The following SEC24B variants were observed in gnomAD, a reference collection of about 807,000 sequenced individuals.
The protein encoded by SEC24B is protein transport protein Sec24B.
In SEC24B, 45 loss-of-function variants were observed where a neutral mutation model predicts 142.8. The observed-to-expected ratio is 0.32, with a 90% CI of 0.25 to 0.40. The LOEUF (loss-of-function observed/expected upper bound fraction) is 0.40. Ranked by LOEUF, SEC24B falls within the 10% of genes least tolerant of loss-of-function variation. The probability of loss-of-function intolerance (pLI) is 1.00; values close to 1 mark genes in which losing one functional copy is unlikely to be tolerated. For synonymous variants in SEC24B, 574 were observed against 568.2 expected (o/e 1.01, Z -0.15); for missense variants, 1,409 against 1,526.8 (o/e 0.92, Z 1.29).
rs374629659 is a variant in SEC24B, at chr4:109,464,784, C to A, written c.877+1140C>A. On this transcript the variant is annotated intron_variant, in intron 2 of 23. Coordinates refer to ENST00000265175, the MANE Select transcript of SEC24B (RefSeq NM_006323.5). ...TTAAAATTAGAACTTTAATATTAGA[C>A]CCAAGCTGTACATTTGAGATCATCT... Among the ~76,000 whole-genome samples, 5 of 152,242 alleles carry A rather than the reference C, an allele frequency of 3.3e-5. No individual in the cohort carries two copies. In the East Asian group the frequency reaches 9.6e-4, roughly 29 times the overall value.
chr4:109,477,967 A>G (rs1210565732), intron 3 of SEC24B, among the ~76,000 whole-genome samples: 2 of 152,200 alleles, frequency 1.3e-5, no homozygotes, highest in Admixed American at 6.5e-5. Context: ...TGGTAGTCCT[A>G]GAAAATACTC....
intron 22 of SEC24B, 147 bp from the exon 23 acceptor site, chr4:109,538,345 GT>G: frequency 3.5e-6 from 2 of 573,118 alleles, no homozygotes; most frequent in Non-Finnish European, 6.4e-6. Flanking sequence ...TTTTTCAACA[GT>G]TTAAATTTTA....
intron 2 of SEC24B, among the ~76,000 whole-genome samples, chr4:109,467,065 G>A (rs1056786955): frequency 6.6e-5 from 10 of 151,794 alleles, no homozygotes; most frequent in Admixed American, 2.0e-4. Context: ...GGTGGCTCAC[G>A]CCTGTAATCC....
At chr4:109,457,959 G>T (rs1730855917) in intron 1 of SEC24B, among the ~76,000 whole-genome samples, 1 of 152,142 alleles carries the variant, frequency 6.6e-6, no homozygotes, top group South Asian at 2.1e-4. Context: ...TCACAGGATT[G>T]GGGGGATTAG....
chr4:109,449,771 A>G (rs1020610632), intron 1 of SEC24B, among the ~76,000 whole-genome samples: 6 of 152,094 alleles, frequency 3.9e-5, no homozygotes, highest in African/African-American at 1.4e-4. Context: ...TCCTAACACC[A>G]TCACATTGGG....
chr4:109,497,110 C>T (rs923721431), intron 6 of SEC24B, among the ~76,000 whole-genome samples: 4 of 152,218 alleles, frequency 2.6e-5, no homozygotes, highest in Non-Finnish European at 4.4e-5. Flanking sequence ...CATGCCCATT[C>T]TTCTATGTTA....
intron 13 of SEC24B, 123 bp downstream of exon 13, chr4:109,521,295 T>A (rs776436830): frequency 2.0e-5 from 19 of 960,640 alleles, no homozygotes; most frequent in Non-Finnish European, 3.0e-5. Flanking sequence ...AAATGGCATA[T>A]CTATTGACTC....
At chr4:109,519,645 C>T (rs886917603) in intron 11 of SEC24B, among the ~76,000 whole-genome samples, 3 of 152,192 alleles carry the variant, frequency 2.0e-5, no homozygotes, top group Non-Finnish European at 4.4e-5. Flanking sequence ...CATAAATATT[C>T]ACCATACTGG....
intron 17 of SEC24B, 92 bp from the exon 18 acceptor site, chr4:109,527,230 A>G (rs1300132726): frequency 2.2e-6 from 2 of 927,498 alleles, no homozygotes; most frequent in African/African-American, 1.7e-5. Context: ...AAAAAAAAAA[A>G]AAGAAAGAAA....
chr4:109,510,240 A>G (rs1737175808), intron 8 of SEC24B, 129 bp downstream of exon 8: 2 of 463,878 alleles, frequency 4.3e-6, no homozygotes, highest in South Asian at 4.8e-5. Context: ...TCATTTCCAT[A>G]ACAACTTGGC....
chr4:109,460,391 C>T (rs1233312033), intron 1 of SEC24B, among the ~76,000 whole-genome samples: 1 of 152,054 alleles, frequency 6.6e-6, no homozygotes, highest in Non-Finnish European at 1.5e-5. Flanking sequence ...TTAAATTATC[C>T]TTTGATTTGA....
At chr4:109,467,048 C>T (rs1398250309) in intron 2 of SEC24B, among the ~76,000 whole-genome samples, 7 of 152,026 alleles carry the variant, frequency 4.6e-5, no homozygotes, top group Admixed American at 1.3e-4. Context: ...CCACTCCAGC[C>T]GGGCGCGGTG....
chr4:109,538,724 A>G (rs1322855186), intron 23 of SEC24B, 128 bp downstream of exon 23: 2 of 605,690 alleles, frequency 3.3e-6, no homozygotes, highest in Non-Finnish European at 3.0e-6. Flanking sequence ...TACTTGATTT[A>G]AATCCCCTGT....
intron 1 of SEC24B, among the ~76,000 whole-genome samples, chr4:109,452,664 G>C (rs1415957718): frequency 6.6e-6 from 1 of 152,168 alleles, no homozygotes; most frequent in East Asian, 1.9e-4. Context: ...ATCTTCTCAT[G>C]TATATTTTAC....
intron 4 of SEC24B, among the ~76,000 whole-genome samples, chr4:109,490,298 C>G (rs1422868775): frequency 7.6e-6 from 1 of 131,276 alleles, no homozygotes; most frequent in Non-Finnish European, 1.6e-5. Flanking sequence ...CTATTATGCC[C>G]TGAGTCGGTA....
At chr4:109,458,091 C>T (rs1730883054) in intron 1 of SEC24B, among the ~76,000 whole-genome samples, 1 of 151,912 alleles carries the variant, frequency 6.6e-6, no homozygotes, top group Non-Finnish European at 1.5e-5. Flanking sequence ...CATTTTTCTT[C>T]AGCCTTTTTT....
intron 1 of SEC24B, among the ~76,000 whole-genome samples, chr4:109,443,885 C>A (rs938625896): frequency 6.6e-6 from 1 of 152,082 alleles, no homozygotes; most frequent in Non-Finnish European, 1.5e-5. Flanking sequence ...ATTTAAAAAA[C>A]GTACTCTGAG....
intron 1 of SEC24B, among the ~76,000 whole-genome samples, chr4:109,456,565 T>C (rs371913704): frequency 6.6e-6 from 1 of 152,116 alleles, no homozygotes; most frequent in Non-Finnish European, 1.5e-5. Context: ...GTTAAGAAAG[T>C]TTCTTTCTCT....
chr4:109,447,858 G>A (rs1178265315), intron 1 of SEC24B, among the ~76,000 whole-genome samples: 2 of 152,140 alleles, frequency 1.3e-5, no homozygotes, highest in Non-Finnish European at 2.9e-5. Context: ...TAAAACCAAG[G>A]CATCTACAGG....
Sources: allele counts gnomAD v4.1 joint callset (sites outside exome capture counted in the v4.1 genomes callset), GRCh38; gene constraint gnomAD v4.1.1; transcripts MANE v1.5; gene names NCBI Gene and HGNC (gene_info 2026-07-23, HGNC 2026-07-21).